The following CEP76 variants were observed in gnomAD, a reference collection of about 807,000 sequenced individuals.
CEP76 encodes the protein centrosomal protein of 76 kDa.
In CEP76, 55 loss-of-function variants were observed where a neutral mutation model predicts 83.3. The ratio of observed to expected loss-of-function variants is 0.66; its 90% CI spans 0.53 to 0.83. CEP76 has a LOEUF of 0.83. CEP76 is among the 40% of genes least tolerant of loss of function. The pLI is 0.00. For synonymous variants in CEP76, 270 were observed against 274.5 expected, an observed-to-expected ratio of 0.98 and a Z score of 0.16; for missense variants, 694 against 799.5, an observed-to-expected ratio of 0.87 and a Z score of 1.59.
intron 12 of CEP76, among the ~76,000 whole-genome samples, chr18:12,666,442 T>TC (rs1224027144): frequency 2.0e-5 from 3 of 149,026 alleles, no homozygotes; most frequent in Non-Finnish European, 3.0e-5. Context: ...TATGGTTTTT[T>TC]TTTTTTTTTT....
Position 12,686,277 on chromosome 18 carries a change from A to G in CEP76, c.1107T>C (p.Phe369=). The change falls in exon 8 of 12, where the codon TTT becomes TTC. Residue 369 remains phenylalanine, a synonymous_variant. Transcript: ENST00000262127. ...KQEQWCTLLA[F]LCRNKGDCED... The stretch of plus-strand genomic sequence containing the variant: ...TGTATAATACCTTGTTTCTACAGAG[A>G]AAGGCCAGCAGAGTGCACCACTGCT... The G allele has an allele frequency of 6.2e-7, 1 of 1,613,300 alleles. No homozygotes were observed. The highest frequency in any genetic ancestry group is 8.5e-7 in the Non-Finnish European group (1 of 1,179,610).
chr18:12,669,687 CAAGGT>C (rs2038890800), downstream of CEP76, among the ~76,000 whole-genome samples: 1 of 152,050 alleles, frequency 6.6e-6, no homozygotes, highest in African/African-American at 2.4e-5. Context: ...GCTAAATATA[CAAGGT>C]AAATTTAATT....
intron 8 of CEP76, among the ~76,000 whole-genome samples, chr18:12,681,837 A>T (rs997651458): frequency 6.6e-6 from 1 of 152,104 alleles, no homozygotes; most frequent in Non-Finnish European, 1.5e-5. Flanking sequence ...CTATAAAAAA[A>T]TAGAAAATAT....
chr18:12,678,469 T>C, intron 9 of CEP76, 27 bp from the exon 10 acceptor site: 2 of 1,469,080 alleles, frequency 1.4e-6, no homozygotes, highest in Non-Finnish European at 9.2e-7. Flanking sequence ...ATTTTATATA[T>C]GAGAACTTAA....
intron 2 of CEP76, 84 bp from the exon 3 acceptor site, chr18:12,699,989 G>T: frequency 2.4e-6 from 2 of 822,452 alleles, no homozygotes; most frequent in Non-Finnish European, 3.7e-6. Context: ...ACTAAGCACT[G>T]AACCTAAAGT....
downstream of CEP76, among the ~76,000 whole-genome samples, chr18:12,672,145 C>T (rs2038964613): frequency 7.0e-6 from 1 of 142,046 alleles, no homozygotes; most frequent in South Asian, 2.2e-4. Flanking sequence ...GATGCAGTCT[C>T]GCTCTGCCTC....
intron 12 of CEP76, among the ~76,000 whole-genome samples, chr18:12,664,631 C>G (rs973882730): frequency 1.6e-4 from 25 of 152,058 alleles, no homozygotes; most frequent in African/African-American, 5.8e-4. Flanking sequence ...GGGATCCTCC[C>G]GCCTTGGCCT....
At chr18:12,689,745 T>TA (rs1273783863) in intron 7 of CEP76, among the ~76,000 whole-genome samples, 1 of 152,034 alleles carries the variant, frequency 6.6e-6, no homozygotes, top group African/African-American at 2.4e-5. Flanking sequence ...TCAGACTATA[T>TA]AGACAGCAGG....
At chr18:12,667,760 CAAA>C (rs67167827), downstream of CEP76, among the ~76,000 whole-genome samples, 25 of 89,926 alleles carry the variant, frequency 2.8e-4, no homozygotes, top group Middle Eastern at 6.6e-3. Context: ...GACTCTTTCT[CAAA>C]AAAAAAAAAA....
At chr18:12,675,264 C>T (rs1430137409) in intron 10 of CEP76, among the ~76,000 whole-genome samples, 3 of 151,992 alleles carry the variant, frequency 2.0e-5, no homozygotes, top group Middle Eastern at 3.4e-3. Flanking sequence ...GGCGTGGTGG[C>T]GGGTGCATGT....
rs181285786 is a variant in CEP76, at chr18:12,682,152, G to A, written c.1123-1324C>T. Among the ~76,000 whole-genome samples, 11 of 152,206 alleles carry A rather than the reference G, an allele frequency of 7.2e-5. No individual in the cohort carries two copies. The East Asian group carries it at 2.1e-3, about 29-fold the overall frequency. On this transcript the variant is annotated intron_variant, in intron 8 of 11. Transcript: ENST00000262127. The stretch of plus-strand genomic sequence containing the variant: ...AACTATTTGAGTTGAGTGTCCGAAT[G>A]AAGAAATTTCTTTTTTTTTTCCTCT...
chr18:12,678,077 T>C lies in CEP76; in HGVS notation c.1623+32A>G. On this transcript the variant is annotated intron_variant, in intron 10 of 11. Coordinates refer to ENST00000262127, the MANE Select transcript of CEP76 (RefSeq NM_024899.4). ...AGTTAAATACATAAATGAAAAGAAG[T>C]ATGAAACTACAACTATTTCAGTGTG... 2.0e-6 allele frequency: 3 copies of C among 1,533,364 alleles called. No homozygotes were observed. In the South Asian group the frequency reaches 3.4e-5, roughly 17 times the overall value. The allele number at this position is 1,533,364 out of a possible 1,614,324, so 95.0% of individuals were successfully genotyped here.
chr18:12,698,687 T>A (rs565033054), intron 4 of CEP76: 129 of 281,162 alleles, frequency 4.6e-4, no homozygotes, highest in Admixed American at 7.1e-4. Flanking sequence ...TTCCACTATA[T>A]CATCCCAGCA....
intron 9 of CEP76, among the ~76,000 whole-genome samples, chr18:12,680,248 A>T (rs1210544446): frequency 6.6e-6 from 1 of 152,136 alleles, no homozygotes; most frequent in Non-Finnish European, 1.5e-5. Flanking sequence ...AAAATCATCA[A>T]CACGTACCTT....
intron 1 of CEP76, 76 bp downstream of exon 1, chr18:12,702,410 C>T: frequency 8.6e-7 from 1 of 1,156,958 alleles, no homozygotes; most frequent in Non-Finnish European, 1.3e-6. Flanking sequence ...ATGCCGCTGT[C>T]GGCCCGGGGC....
At chr18:12,668,253 A>G (rs1321966111), downstream of CEP76, among the ~76,000 whole-genome samples, 1 of 151,768 alleles carries the variant, frequency 6.6e-6, no homozygotes, top group Non-Finnish European at 1.5e-5. Context: ...CAACAGACTG[A>G]GACTCCAACC....
At chr18:12,664,407 G>A (rs555930874) in intron 12 of CEP76, among the ~76,000 whole-genome samples, 11 of 151,606 alleles carry the variant, frequency 7.3e-5, no homozygotes, top group South Asian at 2.1e-4. Flanking sequence ...AAAATTAGCC[G>A]GGCATGGTGG....
At chr18:12,697,493 T>C in intron 4 of CEP76, 85 bp from the exon 5 acceptor site, 1 of 919,402 alleles carries the variant, frequency 1.1e-6, no homozygotes, top group East Asian at 2.8e-5. Context: ...AAACAGTAAA[T>C]AATAAGCTTA....
intron 5 of CEP76, among the ~76,000 whole-genome samples, chr18:12,696,271 G>A (rs771665670): frequency 4.1e-4 from 63 of 152,242 alleles, no homozygotes; most frequent in African/African-American, 1.4e-3. Context: ...TTGGGAGGCC[G>A]AGGCGGGCAG....
Sources: gnomAD v4.1 joint callset for allele counts (sites outside exome capture counted in the v4.1 genomes callset) on GRCh38, gnomAD v4.1.1 for gene constraint, MANE v1.5 for transcripts, NCBI Gene and HGNC (gene_info 2026-07-23, HGNC 2026-07-21) for gene names.